Variants in ACTR3C observed in about 807,000 individuals in gnomAD.
ACTR3C encodes the protein actin-related protein 3C.
ACTR3C carries 18 observed loss-of-function variants against 26.3 expected under a neutral mutation model. That is an observed-to-expected ratio of 0.68 (90% CI 0.47 to 1.01). ACTR3C has a LOEUF of 1.01. Among genes scored for constraint, ACTR3C ranks in the 50% least tolerant of loss-of-function variants. ACTR3C has a pLI of 0.00. For synonymous variants in ACTR3C, 55 were observed against 94.5 expected, an observed-to-expected ratio of 0.58 and a Z score of 2.42; for missense variants, 184 against 250.7, an observed-to-expected ratio of 0.73 and a Z score of 1.80.
the ACTR3C span, among the ~76,000 whole-genome samples, chr7:150,024,163 G>A: frequency 1.4e-4 from 21 of 151,434 alleles, no homozygotes; most frequent in South Asian, 8.4e-4. Flanking sequence ...ACGAAGGAAC[G>A]TGCTCGCTGC....
the ACTR3C span, among the ~76,000 whole-genome samples, chr7:149,900,468 C>T: frequency 1.3e-5 from 2 of 151,810 alleles, no homozygotes; most frequent in Non-Finnish European, 2.9e-5. Context: ...AGCCACCGTG[C>T]CCTGCCTATG....
the ACTR3C span, among the ~76,000 whole-genome samples, chr7:150,012,115 G>A: frequency 1.3e-5 from 2 of 152,268 alleles, no homozygotes; most frequent in East Asian, 1.9e-4. Context: ...GAACATTCCA[G>A]ATGGAGAAAC....
the ACTR3C span, among the ~76,000 whole-genome samples, chr7:149,893,771 A>G: frequency 6.6e-6 from 1 of 152,258 alleles, no homozygotes; most frequent in Non-Finnish European, 1.5e-5. Flanking sequence ...TCCTTAATGT[A>G]TTTCTGATGA....
At chr7:150,113,476 C>G in the ACTR3C span, among the ~76,000 whole-genome samples, 1 of 152,138 alleles carries the variant, frequency 6.6e-6, no homozygotes, top group Non-Finnish European at 1.5e-5. Context: ...AGTCTGGGAG[C>G]CAGTGATTCA....
the ACTR3C span, among the ~76,000 whole-genome samples, chr7:149,917,727 C>G: frequency 6.8e-6 from 1 of 146,910 alleles, no homozygotes; most frequent in Admixed American, 7.1e-5. Flanking sequence ...GCATTGACCT[C>G]CTGGCCTCAA....
the ACTR3C span, among the ~76,000 whole-genome samples, chr7:150,208,662 C>T: frequency 6.6e-6 from 1 of 152,126 alleles, no homozygotes; most frequent in South Asian, 2.1e-4. Flanking sequence ...CTTCCAGGGG[C>T]CTTAACTGAG....
At chr7:150,280,485 T>C (rs1835227126) in intron 6 of ACTR3C, among the ~76,000 whole-genome samples, 1 of 151,774 alleles carries the variant, frequency 6.6e-6, no homozygotes, top group African/African-American at 2.4e-5. Context: ...AAGCAGAGAG[T>C]GGAATGGCAG....
chr7:150,256,775 A>G (rs1256049277), intron 6 of ACTR3C, among the ~76,000 whole-genome samples: 1 of 152,236 alleles, frequency 6.6e-6, no homozygotes, highest in Admixed American at 6.5e-5. Context: ...GTAAAAAAAA[A>G]AATAAACACA....
chr7:150,249,478 G>T (rs150155986), intron 6 of ACTR3C, among the ~76,000 whole-genome samples: 3,141 of 152,120 alleles, frequency 0.021, 109 homozygotes, highest in African/African-American at 0.071. Flanking sequence ...TTTTGAGATG[G>T]AGTCTCATTC....
At chr7:149,977,666 G>T in the ACTR3C span, among the ~76,000 whole-genome samples, 1 of 152,106 alleles carries the variant, frequency 6.6e-6, no homozygotes, top group African/African-American at 2.4e-5. Flanking sequence ...GCTCTAGCTC[G>T]GAACCATATG....
chr7:150,032,783 T>C, the ACTR3C span, among the ~76,000 whole-genome samples: 2 of 152,244 alleles, frequency 1.3e-5, no homozygotes, highest in African/African-American at 4.8e-5. Context: ...TGGTTTGCTA[T>C]ACAATTTGTG....
At chr7:150,275,136 G>T (rs1224784475) in intron 6 of ACTR3C, among the ~76,000 whole-genome samples, 4 of 152,202 alleles carry the variant, frequency 2.6e-5, no homozygotes, top group Non-Finnish European at 4.4e-5. Flanking sequence ...GCCAGATTAT[G>T]CCAGAAAAGC....
chr7:150,036,281 T>C, the ACTR3C span, among the ~76,000 whole-genome samples: 831 of 147,198 alleles, frequency 5.6e-3, 13 homozygotes, highest in African/African-American at 0.02. Flanking sequence ...TTGCTTCTTG[T>C]ACTAGCAGGG....
the ACTR3C span, among the ~76,000 whole-genome samples, chr7:150,110,694 C>T: frequency 1.9e-5 from 2 of 105,356 alleles, no homozygotes; most frequent in African/African-American, 4.1e-5. Context: ...AGTGGTGGGG[C>T]TGGCAGGGGG....
At chr7:150,225,011 G>T in the ACTR3C span, among the ~76,000 whole-genome samples, 1 of 130,128 alleles carries the variant, frequency 7.7e-6, no homozygotes, top group East Asian at 2.7e-4. Context: ...ATTAGTGTGT[G>T]TGTGTGTGTG....
chr7:150,069,166 A>AT, the ACTR3C span, among the ~76,000 whole-genome samples: 2 of 152,068 alleles, frequency 1.3e-5, no homozygotes, highest in African/African-American at 4.8e-5. Context: ...AATATCTGTG[A>AT]TTTTTTTTAG....
Position 150,293,387 on chromosome 7 carries a change from A to G in ACTR3C, c.78T>C (p.Ser26=), listed in dbSNP as rs527526752. 242 of 1,604,236 alleles carry G rather than the reference A, an allele frequency of 1.5e-4. 3 individuals carry two copies. The East Asian group carries it at 4.8e-3, about 32-fold the overall frequency. Residue 26 remains serine (S), a synonymous_variant, in exon 3 of 8, where the codon TCT becomes TCC. Transcript: ENST00000683684. ...TTAATGTACGTTCACCCACTTGTCG[A>G]GATGTCCAAGATGCCGCCAAGGCCA... ...AVLALAASWT[S]RQVGERTLTG...
At chr7:150,098,075 C>A in the ACTR3C span, among the ~76,000 whole-genome samples, 1 of 151,494 alleles carries the variant, frequency 6.6e-6, no homozygotes, top group African/African-American at 2.4e-5. Context: ...CTAGATCCAC[C>A]CATATTCCAT....
chr7:149,988,683 A>C, the ACTR3C span, among the ~76,000 whole-genome samples: 1 of 152,350 alleles, frequency 6.6e-6, no homozygotes, highest in South Asian at 2.1e-4. Context: ...CAGAAGTCTC[A>C]TGATGAGAGA....
Sources: allele counts gnomAD v4.1 joint callset (sites outside exome capture counted in the v4.1 genomes callset), GRCh38; gene constraint gnomAD v4.1.1; transcripts MANE v1.5; gene names NCBI Gene and HGNC (gene_info 2026-07-23, HGNC 2026-07-21).